CLDN16: variants seen among roughly 807,000 people sequenced by gnomAD.
The protein encoded by CLDN16 is claudin-16.
A neutral mutation model predicts 24.6 loss-of-function variants in CLDN16; 13 were observed. The ratio of observed to expected loss-of-function variants is 0.53; its 90% confidence interval spans 0.34 to 0.84. The LOEUF (loss-of-function observed/expected upper bound fraction) is 0.84, where lower values mean the gene tolerates loss of function less well. Ranked by LOEUF, CLDN16 falls within the 40% of genes least tolerant of loss-of-function variation. The pLI is 0.01. For missense variants in CLDN16, 298 were observed against 292.7 expected (o/e 1.02, Z -0.13); for synonymous variants, 116 against 106.7 (o/e 1.09, Z -0.54).
upstream of CLDN16, among the ~76,000 whole-genome samples, chr3:190,385,960 G>A (rs773852033): frequency 3.3e-5 from 5 of 152,090 alleles, no homozygotes; most frequent in Non-Finnish European, 5.9e-5. Flanking sequence ...GAATTCCTGG[G>A]TTTGCATTTA....
At chr3:190,396,618 G>A (rs900168724) in intron 1 of CLDN16, among the ~76,000 whole-genome samples, 1 of 152,188 alleles carries the variant, frequency 6.6e-6, no homozygotes, top group African/African-American at 2.4e-5. Context: ...TAGTCGGCAT[G>A]TTGACTAGTA....
chr3:190,303,935 A>G, the CLDN16 span, among the ~76,000 whole-genome samples: 7 of 152,264 alleles, frequency 4.6e-5, no homozygotes, highest in East Asian at 1.2e-3. Flanking sequence ...TAAAGCAACA[A>G]CATTAGGGAA....
intron 1 of CLDN16, among the ~76,000 whole-genome samples, chr3:190,370,061 T>A (rs1187743180): frequency 6.6e-6 from 1 of 151,940 alleles, no homozygotes; most frequent in Non-Finnish European, 1.5e-5. Context: ...TATGACAACG[T>A]AGTAGAAAGG....
At chr3:190,346,516 C>T (rs1717553160) in intron 1 of CLDN16, among the ~76,000 whole-genome samples, 1 of 152,170 alleles carries the variant, frequency 6.6e-6, no homozygotes, top group South Asian at 2.1e-4. Flanking sequence ...ATAGCCAAAA[C>T]TGTACATTCT....
At chr3:190,362,853 C>A (rs1717928647) in intron 1 of CLDN16, among the ~76,000 whole-genome samples, 1 of 151,832 alleles carries the variant, frequency 6.6e-6, no homozygotes, top group Non-Finnish European at 1.5e-5. Context: ...TATATGTTTT[C>A]CTGTTTTGTT....
At chr3:190,351,362 A>G (rs1450126927) in intron 1 of CLDN16, among the ~76,000 whole-genome samples, 1 of 151,898 alleles carries the variant, frequency 6.6e-6, no homozygotes, top group Admixed American at 6.6e-5. Flanking sequence ...CTCCAGCTCT[A>G]TTTCTATTTT....
chr3:190,392,885 G>A (rs965254037), intron 1 of CLDN16, among the ~76,000 whole-genome samples: 5 of 152,096 alleles, frequency 3.3e-5, no homozygotes, highest in African/African-American at 7.2e-5. Flanking sequence ...AGGGTTTGTC[G>A]CTGTAAGCAA....
chr3:190,371,602 G>C (rs572842877), intron 2 of CLDN16, among the ~76,000 whole-genome samples: 1 of 152,012 alleles, frequency 6.6e-6, no homozygotes, highest in East Asian at 1.9e-4. Context: ...CAAATTATTT[G>C]CTGGTTTCCT....
chr3:190,353,499 T>C (rs1421429106), intron 1 of CLDN16, among the ~76,000 whole-genome samples: 1 of 152,080 alleles, frequency 6.6e-6, no homozygotes, highest in Non-Finnish European at 1.5e-5. Context: ...TATTTAGTTA[T>C]GTCTATGGAC....
At chr3:190,333,869 TG>T (rs1051246645) in intron 1 of CLDN16, among the ~76,000 whole-genome samples, 2 of 152,040 alleles carry the variant, frequency 1.3e-5, no homozygotes, top group Non-Finnish European at 2.9e-5. Context: ...CATACTTCAA[TG>T]GGGTGAGGGG....
chr3:190,409,343 A>G (rs189773232), intron 4 of CLDN16, among the ~76,000 whole-genome samples: 469 of 151,388 alleles, frequency 3.1e-3, no homozygotes, highest in Middle Eastern at 0.021. Flanking sequence ...TATTAGAATT[A>G]TACATATATG....
At chr3:190,324,812 G>A (rs1717024118) in intron 1 of CLDN16, among the ~76,000 whole-genome samples, 1 of 152,192 alleles carries the variant, frequency 6.6e-6, no homozygotes, top group Non-Finnish European at 1.5e-5. Flanking sequence ...CAGAGGACAG[G>A]TGAGATAATG....
At chr3:190,297,569 GTATATAA>G in the CLDN16 span, among the ~76,000 whole-genome samples, 8 of 125,390 alleles carry the variant, frequency 6.4e-5, no homozygotes, top group Non-Finnish European at 1.0e-4. Flanking sequence ...ATAATATATA[GTATATAA>G]TATATAATAT....
At chr3:190,376,514 G>T (rs1055008299) in intron 3 of CLDN16, among the ~76,000 whole-genome samples, 1 of 151,786 alleles carries the variant, frequency 6.6e-6, no homozygotes, top group Non-Finnish European at 1.5e-5. Flanking sequence ...TCTTCCATAG[G>T]AATATACAGC....
At chr3:190,379,812 A>G (rs1718320241) in intron 3 of CLDN16, among the ~76,000 whole-genome samples, 2 of 152,054 alleles carry the variant, frequency 1.3e-5, no homozygotes, top group South Asian at 2.1e-4. Context: ...AGAAATTCTT[A>G]TTATTTAAGA....
chr3:190,310,349 A>C, the CLDN16 span: 2 of 871,196 alleles, frequency 2.3e-6, no homozygotes, highest in Non-Finnish European at 1.9e-6. Flanking sequence ...CAAGAATTAA[A>C]TCTCATCAAT....
chr3:190,292,378 C>T, the CLDN16 span, among the ~76,000 whole-genome samples: 1 of 152,144 alleles, frequency 6.6e-6, no homozygotes, highest in Non-Finnish European at 1.5e-5. Context: ...GAATGCATGG[C>T]ATCAAGTTTC....
At chr3:190,379,060 T>G (rs1288424222) in intron 3 of CLDN16, among the ~76,000 whole-genome samples, 1 of 152,130 alleles carries the variant, frequency 6.6e-6, no homozygotes, top group East Asian at 1.9e-4. Context: ...ATTTGAGGCG[T>G]AAGCAAAGAA....
chr3:190,356,514 A>G (rs1285447838), intron 1 of CLDN16, among the ~76,000 whole-genome samples: 2 of 151,902 alleles, frequency 1.3e-5, no homozygotes, highest in Non-Finnish European at 2.9e-5. Flanking sequence ...TGTCTGTGGT[A>G]AACCAAAGGC....
Sources: gnomAD v4.1 joint callset for allele counts (sites outside exome capture counted in the v4.1 genomes callset) on GRCh38, gnomAD v4.1.1 for gene constraint, MANE v1.5 for transcripts, NCBI Gene and HGNC (gene_info 2026-07-23, HGNC 2026-07-21) for gene names.